The following ARFGEF1 variants were observed in gnomAD, a reference collection of about 807,000 sequenced individuals.
ARFGEF1 encodes ARF guanine nucleotide exchange factor 1.
Under a neutral mutation model 231.0 loss-of-function variants are expected in ARFGEF1, and 42 were observed. The ratio of observed to expected loss-of-function variants is 0.18; its 90% CI spans 0.14 to 0.24. The LOEUF is 0.24. ARFGEF1 is among the 10% of genes least tolerant of loss of function. ARFGEF1 has a pLI of 1.00. For synonymous variants in ARFGEF1, 710 were observed against 732.3 expected (o/e 0.97, Z 0.49); for missense variants, 1,345 against 2,192.0 (o/e 0.61, Z 7.72).
At chr8:67,288,159 G>A in intron 6 of ARFGEF1, 94 bp from the exon 7 acceptor site, 11 of 634,996 alleles carry the variant, frequency 1.7e-5, no homozygotes, top group South Asian at 7.0e-5. Context: ...AAATCATGAG[G>A]AATAAAAGAA....
chr8:67,250,952 A>C (rs1483559329), intron 19 of ARFGEF1, among the ~76,000 whole-genome samples: 2 of 152,236 alleles, frequency 1.3e-5, no homozygotes, highest in African/African-American at 4.8e-5. Flanking sequence ...AAAGAAAACA[A>C]GAGCCTCATG....
In ARFGEF1 at chr8:67,198,518, T is replaced by C. The variant is rs1238255420; in HGVS notation, c.*416A>G. On this transcript the variant is annotated 3_prime_UTR_variant, in exon 39 of 39. Transcript: ENST00000262215. Reference sequence around the variant, plus strand: ...TTTACCATGAACAATAATTTCTTCTTCTCTCCCCACTCCCCAATTATAAAC... The same window carrying C: ...TTTACCATGAACAATAATTTCTTCTCCTCTCCCCACTCCCCAATTATAAAC... 2.0e-6 allele frequency: 2 copies of C among 990,412 alleles called. No homozygotes were observed. The highest frequency in any genetic ancestry group is 1.7e-5 in the African/African-American group (1 of 57,268). The allele number at this position is 990,412 out of a possible 1,614,324, so 61.4% of individuals were successfully genotyped here.
chr8:67,285,185 C>G (rs1805701634), intron 7 of ARFGEF1, among the ~76,000 whole-genome samples: 1 of 151,854 alleles, frequency 6.6e-6, no homozygotes, highest in African/African-American at 2.4e-5. Flanking sequence ...ATATTGCAAC[C>G]CAATATCTGA....
At chr8:67,225,091 T>A in intron 28 of ARFGEF1, 58 bp from the exon 29 acceptor site, 2 of 1,388,658 alleles carry the variant, frequency 1.4e-6, no homozygotes, top group Non-Finnish European at 1.9e-6. Flanking sequence ...ACATTCAGTA[T>A]ACTAACTTCT....
chr8:67,208,208 T>C (rs1203914557), intron 34 of ARFGEF1, among the ~76,000 whole-genome samples: 2 of 151,964 alleles, frequency 1.3e-5, no homozygotes, highest in African/African-American at 4.8e-5. Context: ...ATTAGCAAAA[T>C]ACAGTGACTG....
At chr8:67,273,403 G>GT (rs1177832210) in intron 9 of ARFGEF1, among the ~76,000 whole-genome samples, 1,182 of 61,890 alleles carry the variant, frequency 0.019, 3 homozygotes, top group Non-Finnish European at 0.025. Context: ...CTAGCAGTTG[G>GT]TTTTTTTTTT....
At position 67,201,613 on chromosome 8, in the gene ARFGEF1, A is replaced by C; in HGVS notation, c.5129-8T>G. The C allele has an allele frequency of 1.9e-6, 3 of 1,613,018 alleles. No homozygotes were observed. In the South Asian group the frequency reaches 3.3e-5, roughly 18 times the overall value. On this transcript the variant is annotated splice_region_variant and splice_polypyrimidine_tract_variant and intron_variant, in intron 36 of 38. Coordinates refer to ENST00000262215, the MANE Select transcript of ARFGEF1 (RefSeq NM_006421.5). ...TGGATTTGCCTTTGAATCCTGCAGA[A>C]AAGGGAAGTTTCTGGGATTAGTTTG...
Position 67,302,602 on chromosome 8 carries a change from C to T in ARFGEF1, c.125-136G>A, listed in dbSNP as rs894961471. 29 of 527,106 alleles carry T rather than the reference C, an allele frequency of 5.5e-5. 1 individual carries two copies. In the South Asian group the frequency reaches 1.3e-3, roughly 23 times the overall value. The allele number at this position is 527,106 out of a possible 1,614,324, so 32.7% of individuals were successfully genotyped here. On this transcript the variant is annotated intron_variant, in intron 1 of 38. Transcript: ENST00000262215. ...ATGCAAATTTAATAAAAATTAGATG[C>T]TAAAATTGTTTCATCTAAATTTTTT...
chr8:67,319,472 C>G (rs1021946300), intron 1 of ARFGEF1, among the ~76,000 whole-genome samples: 9 of 126,450 alleles, frequency 7.1e-5, no homozygotes, highest in Non-Finnish European at 1.3e-4. Context: ...ATCTTTTCAA[C>G]AAATAGTGTT....
chr8:67,265,948 G>T, intron 14 of ARFGEF1, 58 bp downstream of exon 14: 2 of 1,520,692 alleles, frequency 1.3e-6, no homozygotes, highest in Non-Finnish European at 9.1e-7. Flanking sequence ...CGGCAGGGGT[G>T]GCACTATACT....
chr8:67,204,327 G>A (rs190793461), intron 35 of ARFGEF1, among the ~76,000 whole-genome samples: 4 of 152,272 alleles, frequency 2.6e-5, no homozygotes, highest in Admixed American at 2.0e-4. Context: ...CATTTAACAA[G>A]CGACTGATCA....
At chr8:67,259,631 G>A (rs1368755662) in intron 15 of ARFGEF1, among the ~76,000 whole-genome samples, 184 bp downstream of exon 15, 3 of 152,080 alleles carry the variant, frequency 2.0e-5, no homozygotes, top group African/African-American at 4.8e-5. Context: ...TTACAGAAAC[G>A]GGGCCAGGCG....
intron 4 of ARFGEF1, 23 bp from the exon 5 acceptor site, chr8:67,296,633 A>C (rs756313194): frequency 1.4e-5 from 21 of 1,553,530 alleles, no homozygotes; most frequent in Non-Finnish European, 1.8e-5. Flanking sequence ...AAAAGGAAAA[A>C]GTTAAAGAGA....
intron 7 of ARFGEF1, among the ~76,000 whole-genome samples, chr8:67,287,405 C>G (rs1020179676): frequency 6.6e-6 from 1 of 152,160 alleles, no homozygotes; most frequent in Non-Finnish European, 1.5e-5. Context: ...TGATTTTCTC[C>G]AGGCTTCACC....
At chr8:67,221,714 C>T (rs925213046) in intron 29 of ARFGEF1, among the ~76,000 whole-genome samples, 2 of 152,094 alleles carry the variant, frequency 1.3e-5, no homozygotes, top group East Asian at 1.9e-4. Context: ...CCTTTGCATT[C>T]ACTCACCACT....
Position 67,343,512 on chromosome 8 carries a change from C to A in ARFGEF1, c.-225G>T, listed in dbSNP as rs1165629020. On this transcript the variant is annotated 5_prime_UTR_variant, in exon 1 of 39. Transcript: ENST00000262215. ...TCGCCGCCCCCAAGAAGCCGTACCT[C>A]GAGGGCCGCGCCCGTCGGGCCTCCG... The A allele has an allele frequency of 8.3e-7, 1 of 1,208,780 alleles. No individual in the cohort carries two copies. Among genetic ancestry groups the A allele is most frequent in the Non-Finnish European group, 1.0e-6 (1 of 969,668 alleles). The allele number at this position is 1,208,780 out of a possible 1,614,324, so 74.9% of individuals were successfully genotyped here.
intron 5 of ARFGEF1, among the ~76,000 whole-genome samples, chr8:67,190,212 G>A (rs1835825145): frequency 1.3e-5 from 2 of 152,166 alleles, no homozygotes; most frequent in African/African-American, 4.8e-5. Context: ...AAAATATGAC[G>A]TATCCATATG....
chr8:67,279,106 AT>A lies in ARFGEF1; in HGVS notation c.1028-1650del, dbSNP rs202240892. Among the ~76,000 whole-genome samples, 303 of 152,210 alleles carry A rather than the reference AT, an allele frequency of 2.0e-3. 4 individuals are homozygous for A. The highest frequency in any genetic ancestry group is 6.9e-3 in the African/African-American group (285 of 41,534). ...TAGTGAGACACCATTGCTACAAAAA[AT>A]TTTTTTTAAAAAAAGAATTTACATA... On this transcript the variant is annotated intron_variant, in intron 7 of 38. Coordinates refer to ENST00000262215, the MANE Select transcript of ARFGEF1 (RefSeq NM_006421.5).
intron 37 of ARFGEF1, 96 bp from the exon 38 acceptor site, chr8:67,200,609 A>ATATTC: frequency 2.7e-6 from 2 of 746,720 alleles, no homozygotes; most frequent in Non-Finnish European, 2.3e-6. Flanking sequence ...AGTGAATATG[A>ATATTC]ACTATTCAAG....
Sources: gnomAD v4.1 joint callset for allele counts (sites outside exome capture counted in the v4.1 genomes callset) on GRCh38, gnomAD v4.1.1 for gene constraint, MANE v1.5 for transcripts, NCBI Gene and HGNC (gene_info 2026-07-23, HGNC 2026-07-21) for gene names.